Variants in HSPA5 observed in about 807,000 individuals in gnomAD.
The protein encoded by HSPA5 is endoplasmic reticulum chaperone BiP.
HSPA5 carries 16 observed loss-of-function variants against 49.5 expected under a neutral mutation model. The ratio of observed to expected loss-of-function variants is 0.32; its 90% CI spans 0.22 to 0.49. HSPA5 has a LOEUF of 0.49. Ranked by LOEUF, HSPA5 falls within the 20% of genes least tolerant of loss-of-function variation. HSPA5 has a pLI of 0.99. For missense variants in HSPA5, 376 were observed against 819.0 expected (o/e 0.46, Z 6.60); for synonymous variants, 271 against 307.2 (o/e 0.88, Z 1.23).
chr9:125,240,099 G>A lies in HSPA5; in HGVS notation c.492+73C>T. On this transcript the variant is annotated intron_variant, in intron 3 of 7. Coordinates refer to ENST00000324460, the MANE Select transcript of HSPA5 (RefSeq NM_005347.5). The surrounding 1 kb of genome is among the most constrained non-coding windows in gnomAD (Gnocchi z 4.4). ...AAAATTTTTGAAACCCTTCACGAAG[G>A]CTTCTATACATAACAGCCAACCGAG... 1.6e-6 allele frequency: 2 copies of A among 1,223,392 alleles called. No individual in the cohort carries two copies. The highest frequency in any genetic ancestry group is 2.3e-6 in the Non-Finnish European group (2 of 876,900). The allele number at this position is 1,223,392 out of a possible 1,614,324, so 75.8% of individuals were successfully genotyped here.
At position 125,241,045 on chromosome 9, in the gene HSPA5, CCACGTCCTCCTT is replaced by C. The variant is rs775933015; in HGVS notation, c.70_81del (p.Lys24_Val27del). ...CCCAGGTCGATGCCGACCACCGTGC[CCACGTCCTCCTT>C]CTTGTCCTCCTCCTCGGCCCGCGCC... On this transcript the variant is annotated inframe_deletion, in exon 1 of 8. Transcript: ENST00000324460. 6 of 1,613,926 alleles carry C rather than the reference CCACGTCCTCCTT, an allele frequency of 3.7e-6. No individual in the cohort carries two copies. The highest frequency in any genetic ancestry group is 5.1e-6 in the Non-Finnish European group (6 of 1,180,012).
In HSPA5 at chr9:125,240,791, G is replaced by A; in HGVS notation, c.239C>T (p.Ala80Val). ...PEGERLIGDA[A>V]KNQLTSNPEN... ...GGGGTTGGAGGTGAGCTGGTTCTTG[G>A]CGGCATCGCCAATCAGACGTTCCCC... Residue 80 changes from alanine to valine, a missense_variant, in exon 2 of 8, where the codon GCC becomes GTC. By Grantham distance (64) the Ala-to-Val change is moderately conservative. Coordinates refer to ENST00000324460, the MANE Select transcript of HSPA5 (RefSeq NM_005347.5). This position sits in a 1 kb window ranked among gnomAD's most constrained non-coding sequence, Gnocchi z 4.4. 6.2e-7 allele frequency: 1 copy of A among 1,614,236 alleles called. No individual in the cohort carries two copies. The highest frequency in any genetic ancestry group is 1.1e-5 in the South Asian group (1 of 91,088).
chr9:125,235,209 T>C lies in HSPA5; in HGVS notation c.*1383A>G, dbSNP rs1029703154. ...TACCTATCCTTGGGCAGTATTGGATTCTTTTTTTTTTTTTTGAGGTGGAGT... is the reference window on the plus strand; with the variant it reads ...TACCTATCCTTGGGCAGTATTGGATCCTTTTTTTTTTTTTTGAGGTGGAGT... On this transcript the variant is annotated 3_prime_UTR_variant, in exon 8 of 8. Transcript: ENST00000324460. 3 of 151,306 alleles carry C rather than the reference T, an allele frequency of 2.0e-5. No individual in the cohort carries two copies. The highest frequency in any genetic ancestry group is 7.3e-5 in the African/African-American group (3 of 41,250). 9.4% of individuals were successfully genotyped at this position (151,306 alleles called of 1,614,324 possible).
In HSPA5 at chr9:125,236,306, A is replaced by T. The variant is rs544297547; in HGVS notation, c.*286T>A. ...AGAAAAAACTTCCTACACCAGATGC[A>T]CATGACCCAGTTGTTAAATAGAACA... On this transcript the variant is annotated 3_prime_UTR_variant, in exon 8 of 8. Coordinates refer to ENST00000324460, the MANE Select transcript of HSPA5 (RefSeq NM_005347.5). 8 of 350,744 alleles carry T rather than the reference A, an allele frequency of 2.3e-5. No homozygotes were observed. In the South Asian group the frequency reaches 6.9e-4, roughly 30 times the overall value. The allele number at this position is 350,744 out of a possible 1,614,324, so 21.7% of individuals were successfully genotyped here. A position where few individuals can be genotyped will look rare whatever the true frequency, so the allele number is the denominator to read the frequency against.
intron 7 of HSPA5, 26 bp from the exon 8 acceptor site, chr9:125,237,180 G>A (rs1220534078): frequency 6.5e-7 from 1 of 1,531,642 alleles, no homozygotes. Flanking sequence ...AGAAAAACTT[G>A]TTAGTTGTTA....
In HSPA5 at chr9:125,238,714, CTT is replaced by C; in HGVS notation, c.1108_1109del (p.Lys370AspfsTer6). On this transcript the variant is annotated frameshift_variant, in exon 6 of 8. Coordinates refer to ENST00000324460, the MANE Select transcript of HSPA5 (RefSeq NM_005347.5). LOFTEE classifies it high-confidence loss of function. ...AGAACTCTTTAACCAGTTGCTGAATCTTTGGAATTCGAGTCGAGCCACCAACA... is the reference window on the plus strand; with the variant it reads ...AGAACTCTTTAACCAGTTGCTGAATCTGGAATTCGAGTCGAGCCACCAACA... ...VLVGGSTRIP[K>X]IQQLVKEFFN... 1.2e-6 allele frequency: 2 copies of C among 1,614,162 alleles called. No individual in the cohort carries two copies. Among genetic ancestry groups the C allele is most frequent in the Non-Finnish European group, 1.7e-6 (2 of 1,180,026 alleles).
At position 125,240,621 on chromosome 9, in the gene HSPA5, A is replaced by C; in HGVS notation, c.354+55T>G. ...CACTTTTCCAGAGACTTATAACTCT[A>C]AATACTCCCACCACCCACCCGTTCT... On this transcript the variant is annotated intron_variant, in intron 2 of 7. Transcript: ENST00000324460. This position sits in a 1 kb window ranked among gnomAD's most constrained non-coding sequence, Gnocchi z 4.4. 7.0e-7 allele frequency: 1 copy of C among 1,427,962 alleles called. No individual in the cohort carries two copies. Among genetic ancestry groups the C allele is most frequent in the Non-Finnish European group, 9.8e-7 (1 of 1,016,148 alleles). The allele number at this position is 1,427,962 out of a possible 1,614,324, so 88.5% of individuals were successfully genotyped here.
At position 125,240,086 on chromosome 9, in the gene HSPA5, A is replaced by G; in HGVS notation, c.492+86T>C. 9.5e-7 allele frequency: 1 copy of G among 1,057,248 alleles called. No homozygotes were observed. The allele number at this position is 1,057,248 out of a possible 1,614,324, so 65.5% of individuals were successfully genotyped here. On this transcript the variant is annotated intron_variant, in intron 3 of 7. Transcript: ENST00000324460. The surrounding 1 kb of genome is among the most constrained non-coding windows in gnomAD (Gnocchi z 4.4). Reference sequence around the variant, plus strand: ...TACCATTCTGATTAAAATTTTTGAAACCCTTCACGAAGGCTTCTATACATA... The same window carrying G: ...TACCATTCTGATTAAAATTTTTGAAGCCCTTCACGAAGGCTTCTATACATA...
chr9:125,239,636 T>G lies in HSPA5; in HGVS notation c.493-103A>C. The G allele has an allele frequency of 1.1e-6, 1 of 885,698 alleles. No individual in the cohort carries two copies. The highest frequency in any genetic ancestry group is 1.4e-5 in the South Asian group (1 of 69,600). The allele number at this position is 885,698 out of a possible 1,614,324, so 54.9% of individuals were successfully genotyped here. A position where few individuals can be genotyped will look rare whatever the true frequency, so the allele number is the denominator to read the frequency against. ...GCTTCTGCCTATAATCCCAGCACTTTGGGAGGCTGAGGCAGGAGGATCACC... is the reference window on the plus strand; with the variant it reads ...GCTTCTGCCTATAATCCCAGCACTTGGGGAGGCTGAGGCAGGAGGATCACC... On this transcript the variant is annotated intron_variant, in intron 3 of 7. Coordinates refer to ENST00000324460, the MANE Select transcript of HSPA5 (RefSeq NM_005347.5). This position sits in a 1 kb window ranked among gnomAD's most constrained non-coding sequence, Gnocchi z 5.5.
chr9:125,240,769 G>A lies in HSPA5; in HGVS notation c.261C>T (p.Asn87=). The A allele has an allele frequency of 6.2e-7, 1 of 1,614,250 alleles. No individual in the cohort carries two copies. Among genetic ancestry groups the A allele is most frequent in the Non-Finnish European group, 8.5e-7 (1 of 1,180,042 alleles). Reference sequence around the variant, plus strand: ...TGGCGTCAAAGACCGTGTTCTCGGGGTTGGAGGTGAGCTGGTTCTTGGCGG... The same window carrying A: ...TGGCGTCAAAGACCGTGTTCTCGGGATTGGAGGTGAGCTGGTTCTTGGCGG... The part of the protein sequence containing the change: ...GDAAKNQLTS[N]PENTVFDAKR... The change falls in exon 2 of 8, where the codon AAC becomes AAT. Residue 87 remains asparagine (N), a synonymous_variant. Transcript: ENST00000324460. This position sits in a 1 kb window ranked among gnomAD's most constrained non-coding sequence, Gnocchi z 4.4.
In HSPA5 at chr9:125,234,981, A is replaced by G. The variant is rs905454682; in HGVS notation, c.*1611T>C. ...TAGTTGCTAACTACCATTTAACCCT[A>G]TTGCCCCAGGGTACACAGCACTGTA... On this transcript the variant is annotated 3_prime_UTR_variant, in exon 8 of 8. Coordinates refer to ENST00000324460, the MANE Select transcript of HSPA5 (RefSeq NM_005347.5). The G allele has an allele frequency of 1.3e-5, 2 of 152,070 alleles. No homozygotes were observed. Among genetic ancestry groups the G allele is most frequent in the African/African-American group, 2.4e-5 (1 of 41,414 alleles). 9.4% of individuals were successfully genotyped at this position (152,070 alleles called of 1,614,324 possible). A position where few individuals can be genotyped will look rare whatever the true frequency, so the allele number is the denominator to read the frequency against.
Position 125,240,929 on chromosome 9 carries a change from G to A in HSPA5, c.123-22C>T, listed in dbSNP as rs1167146129. 1 of 1,613,374 alleles carries A rather than the reference G, an allele frequency of 6.2e-7. No homozygotes were observed. The highest frequency in any genetic ancestry group is 2.2e-5 in the East Asian group (1 of 44,874). On this transcript the variant is annotated intron_variant, in intron 1 of 7. Transcript: ENST00000324460. The surrounding 1 kb of genome is among the most constrained non-coding windows in gnomAD (Gnocchi z 4.4). ...GACGCTGGCAGAAAAACCCGACAGA[G>A]GGACATCAGCACCGCACTTCTCACG...
At position 125,238,771 on chromosome 9, in the gene HSPA5, C is replaced by G. The variant is rs1832527530; in HGVS notation, c.1053G>C (p.Leu351Phe). Residue 351 changes from leucine to phenylalanine, a missense_variant, in exon 6 of 8, where the codon TTG (leucine) becomes TTC (phenylalanine). This residue lies in a region of HSPA5 where 89 missense variants were observed against 155.9 expected (regional missense o/e 0.57). Transcript: ENST00000324460. The stretch of plus-strand genomic sequence containing the variant: ...CAATTTCATCAATATCAGACTTCTT[C>G]AAATCAGAATCTTCCAACACTTTCT... ...PVQKVLEDSD[L>F]KKSDIDEIVL... 1.2e-6 allele frequency: 2 copies of G among 1,614,190 alleles called. No individual in the cohort carries two copies. The highest frequency in any genetic ancestry group is 1.7e-6 in the Non-Finnish European group (2 of 1,180,038).
chr9:125,238,395 AAC>A (rs1832523689), intron 6 of HSPA5, 87 bp from the exon 7 acceptor site: 1 of 1,230,456 alleles, frequency 8.1e-7, no homozygotes, highest in Non-Finnish European at 1.2e-6. Context: ...GTTAGGTTCT[AAC>A]ACACACATTT....
chr9:125,241,097 C>G lies in HSPA5; in HGVS notation c.30G>C (p.Leu10=), dbSNP rs749306008. 1 of 1,613,270 alleles carries G rather than the reference C, an allele frequency of 6.2e-7. No homozygotes were observed. Among genetic ancestry groups the G allele is most frequent in the Admixed American group, 1.7e-5 (1 of 59,964 alleles). The part of the protein sequence containing the change: MKLSLVAAM[L]LLLSAARAEE... The stretch of plus-strand genomic sequence containing the variant: ...CGGCCCGCGCCGCGCTGAGCAGCAG[C>G]AGCATCGCGGCCACCAGGGAGAGCT... The change falls in exon 1 of 8, where the codon CTG becomes CTC. Residue 10 remains leucine, a synonymous_variant. Coordinates refer to ENST00000324460, the MANE Select transcript of HSPA5 (RefSeq NM_005347.5).
At position 125,239,792 on chromosome 9, in the gene HSPA5, G is replaced by A. The variant is rs1832541494; in HGVS notation, c.493-259C>T. On this transcript the variant is annotated intron_variant, in intron 3 of 7. Transcript: ENST00000324460. This position sits in a 1 kb window ranked among gnomAD's most constrained non-coding sequence, Gnocchi z 5.5. Reference sequence around the variant, plus strand: ...AGTTCCAGTTACTTGGGAGGCTGAGGCAGGAGAGCTGCTTGAACCCGGGAG... The same window carrying A: ...AGTTCCAGTTACTTGGGAGGCTGAGACAGGAGAGCTGCTTGAACCCGGGAG... 6.6e-6 allele frequency among the ~76,000 whole-genome samples: 1 copy of A among 151,860 alleles called. No homozygotes were observed. Among genetic ancestry groups the A allele is most frequent in the Non-Finnish European group, 1.5e-5 (1 of 68,000 alleles).
Position 125,240,949 on chromosome 9 carries a change from C to T in HSPA5, c.123-42G>A. The stretch of plus-strand genomic sequence containing the variant: ...ACAGAGGGACATCAGCACCGCACTT[C>T]TCACGCCAGGCCAGGCGGCCACGCC... On this transcript the variant is annotated intron_variant, in intron 1 of 7. Coordinates refer to ENST00000324460, the MANE Select transcript of HSPA5 (RefSeq NM_005347.5). The surrounding 1 kb of genome is among the most constrained non-coding windows in gnomAD (Gnocchi z 4.4). 1 of 1,612,130 alleles carries T rather than the reference C, an allele frequency of 6.2e-7. No homozygotes were observed. Among genetic ancestry groups the T allele is most frequent in the African/African-American group, 1.3e-5 (1 of 75,042 alleles).
intron 7 of HSPA5, 77 bp from the exon 8 acceptor site, chr9:125,237,231 TG>T: frequency 9.2e-7 from 1 of 1,081,514 alleles, no homozygotes; most frequent in African/African-American, 1.6e-5. Flanking sequence ...CATTTCAGTC[TG>T]AAGCATAAAG....
intron 7 of HSPA5, 137 bp from the exon 8 acceptor site, chr9:125,237,291 A>G: frequency 1.6e-6 from 1 of 639,350 alleles, no homozygotes; most frequent in Non-Finnish European, 2.8e-6. Context: ...ATTGGTCTAC[A>G]AGGAGCAGCA....
Sources: allele counts gnomAD v4.1 joint callset (sites outside exome capture counted in the v4.1 genomes callset), GRCh38; gene constraint gnomAD v4.1.1; regional missense constraint gnomAD v4.1.1; non-coding constraint Gnocchi (gnomAD v3.1); transcripts MANE v1.5; gene names NCBI Gene and HGNC (gene_info 2026-07-23, HGNC 2026-07-21).